TC2N: variants seen among roughly 807,000 people sequenced by gnomAD.
The protein encoded by TC2N is tandem C2 domains nuclear protein.
TC2N carries 51 observed loss-of-function variants against 61.9 expected under a neutral mutation model. That is an observed-to-expected ratio of 0.82 (90% confidence interval 0.66 to 1.04). The LOEUF is 1.04. Among genes scored for constraint, TC2N ranks in the 50% least tolerant of loss-of-function variants. The pLI is 0.00. For synonymous variants in TC2N, 204 were observed against 192.6 expected (o/e 1.06, Z -0.49); for missense variants, 556 against 566.7 (o/e 0.98, Z 0.19).
At chr14:91,844,271 C>A (rs889898904) in intron 1 of TC2N, among the ~76,000 whole-genome samples, 31 of 152,208 alleles carry the variant, frequency 2.0e-4, no homozygotes, top group Admixed American at 3.9e-4. Context: ...GCAGCCTGAG[C>A]AACTCATCAC....
chr14:91,780,912 T>TTAA lies in TC2N; in HGVS notation c.*2187_*2188insTTA, dbSNP rs1885081805. On this transcript the variant is annotated 3_prime_UTR_variant, in exon 12 of 12. Transcript: ENST00000435962. ...GCTTAAGTAAACACTAATTAAAACA[T>TTAA]TTAGGATCTTAGTTGTATCAATACT... 6.6e-6 allele frequency: 1 copy of TTAA among 152,100 alleles called. No individual in the cohort carries two copies. The highest frequency in any genetic ancestry group is 2.1e-4 in the South Asian group (1 of 4,830). The allele number at this position is 152,100 out of a possible 1,614,324, so 9.4% of individuals were successfully genotyped here. A position where few individuals can be genotyped will look rare whatever the true frequency, so the allele number is the denominator to read the frequency against.
At chr14:91,805,931 A>G (rs1043798954) in intron 3 of TC2N, among the ~76,000 whole-genome samples, 3 of 152,004 alleles carry the variant, frequency 2.0e-5, no homozygotes, top group Non-Finnish European at 2.9e-5. Context: ...CCCCATCCAA[A>G]TCTCATCTTT....
At chr14:91,825,026 CTTTTTTTTTTTT>C (rs5810554) in intron 1 of TC2N, among the ~76,000 whole-genome samples, 195 of 66,890 alleles carry the variant, frequency 2.9e-3, no homozygotes, top group Non-Finnish European at 4.1e-3. Flanking sequence ...TTTTTCTTTT[CTTTTTTTTTTTT>C]TTTTTTTTTT....
Position 91,785,330 on chromosome 14 carries a change from C to G in TC2N, c.1194G>C (p.Ser398=). Residue 398 remains serine, a synonymous_variant, in exon 11 of 12, where the codon TCG becomes TCC. Coordinates refer to ENST00000435962, the MANE Select transcript of TC2N (RefSeq NM_001128596.3). The part of the protein sequence containing the change: ...SFFVKVGMFS[S]GELIYKKKTR... ...TCTTTTTCTTATAAATCAACTCTCC[C>G]GAGCTAAACATTCCCACCTTCACGA... 1.2e-6 allele frequency: 2 copies of G among 1,613,468 alleles called. No homozygotes were observed. Among genetic ancestry groups the G allele is most frequent in the African/African-American group, 1.3e-5 (1 of 74,912 alleles).
chr14:91,804,107 T>C (rs1315232100), intron 3 of TC2N, among the ~76,000 whole-genome samples: 1 of 152,088 alleles, frequency 6.6e-6, no homozygotes, highest in Non-Finnish European at 1.5e-5. Flanking sequence ...TCATTAGTCA[T>C]GAGGAAAAAA....
chr14:91,830,113 G>A (rs1009523518), intron 1 of TC2N, among the ~76,000 whole-genome samples: 3 of 152,190 alleles, frequency 2.0e-5, no homozygotes, highest in African/African-American at 4.8e-5. Context: ...AAATGGTGCA[G>A]CTGTTTTGGA....
chr14:91,845,057 C>T (rs1355211583), intron 1 of TC2N, among the ~76,000 whole-genome samples: 2 of 151,568 alleles, frequency 1.3e-5, no homozygotes, highest in Non-Finnish European at 2.9e-5. Context: ...GCCAACATGG[C>T]GAAACCCCGT....
At chr14:91,852,371 C>T (rs571937435) in intron 1 of TC2N, among the ~76,000 whole-genome samples, 28 of 152,156 alleles carry the variant, frequency 1.8e-4, no homozygotes, top group Admixed American at 1.0e-3. Flanking sequence ...GCGGAGGTTG[C>T]GGTGAGCGGA....
intron 1 of TC2N, among the ~76,000 whole-genome samples, chr14:91,825,026 C>CTTTTTTTTTTTTT (rs5810554): frequency 1.5e-5 from 1 of 66,860 alleles, no homozygotes; most frequent in Non-Finnish European, 2.6e-5. Context: ...TTTTTCTTTT[C>CTTTTTTTTTTTTT]TTTTTTTTTT....
chr14:91,817,985 C>T (rs1450361860), intron 1 of TC2N, among the ~76,000 whole-genome samples: 1 of 152,022 alleles, frequency 6.6e-6, no homozygotes. Context: ...ATATATGGAA[C>T]AGCAATTTTC....
chr14:91,819,644 GAT>G, intron 1 of TC2N, among the ~76,000 whole-genome samples: 1 of 152,174 alleles, frequency 6.6e-6, no homozygotes, highest in Non-Finnish European at 1.5e-5. Context: ...ATAAATACAT[GAT>G]TTATTATTAT....
chr14:91,866,950 C>T (rs1033180092), intron 1 of TC2N, among the ~76,000 whole-genome samples: 2 of 152,154 alleles, frequency 1.3e-5, no homozygotes, highest in Admixed American at 1.3e-4. Context: ...CTGTTTTTCT[C>T]TTAATTTTTA....
intron 1 of TC2N, among the ~76,000 whole-genome samples, chr14:91,820,310 T>C (rs1887186774): frequency 6.6e-6 from 1 of 152,082 alleles, no homozygotes; most frequent in Admixed American, 6.5e-5. Flanking sequence ...GATTGCAAGA[T>C]TAGTTTAACA....
intron 1 of TC2N, among the ~76,000 whole-genome samples, chr14:91,818,620 A>G (rs901846622): frequency 2.2e-4 from 33 of 152,146 alleles, no homozygotes; most frequent in African/African-American, 7.5e-4. Flanking sequence ...AAGGCAGTTG[A>G]GGACACTAAA....
At chr14:91,788,744 A>G (rs1885486514) in intron 9 of TC2N, among the ~76,000 whole-genome samples, 1 of 152,232 alleles carries the variant, frequency 6.6e-6, no homozygotes, top group Non-Finnish European at 1.5e-5. Context: ...TCATGCCATA[A>G]GAAATGAAGA....
chr14:91,857,965 CT>C (rs1408332601), intron 1 of TC2N, among the ~76,000 whole-genome samples: 1 of 151,752 alleles, frequency 6.6e-6, no homozygotes, highest in Non-Finnish European at 1.5e-5. Flanking sequence ...TGTTGTTGTT[CT>C]TTGTTTGTTT....
chr14:91,813,735 C>T lies in TC2N; in HGVS notation c.35G>A (p.Gly12Glu). 6.2e-7 allele frequency: 1 copy of T among 1,609,646 alleles called. No individual in the cohort carries two copies. Among genetic ancestry groups the T allele is most frequent in the Non-Finnish European group, 8.5e-7 (1 of 1,177,156 alleles). The change falls in exon 2 of 12, where the codon GGA becomes GAA. Residue 12 changes from glycine (G) to glutamate (E), a missense_variant. Transcript: ENST00000435962. ...TTTTTCTGTTTCACCATAGAAACATCCTCCACAGCAACTCTTTATAAATTC... is the reference window on the plus strand; with the variant it reads ...TTTTTCTGTTTCACCATAGAAACATTCTCCACAGCAACTCTTTATAAATTC... ...ATEFIKSCCG[G>E]CFYGETEKHN...
chr14:91,865,800 G>T (rs1224622994), intron 1 of TC2N, among the ~76,000 whole-genome samples: 1 of 151,996 alleles, frequency 6.6e-6, no homozygotes. Context: ...TAATTTTGTG[G>T]ACCCTGCTAC....
chr14:91,780,903 A>G lies in TC2N; in HGVS notation c.*2197T>C, dbSNP rs117879963. 3 of 152,278 alleles carry G rather than the reference A, an allele frequency of 2.0e-5. No individual in the cohort carries two copies. The highest frequency in any genetic ancestry group is 4.4e-5 in the Non-Finnish European group (3 of 67,986). The allele number at this position is 152,278 out of a possible 1,614,324, so 9.4% of individuals were successfully genotyped here. ...CTGAAAAAGGCTTAAGTAAACACTAATTAAAACATTTAGGATCTTAGTTGT... is the reference window on the plus strand; with the variant it reads ...CTGAAAAAGGCTTAAGTAAACACTAGTTAAAACATTTAGGATCTTAGTTGT... On this transcript the variant is annotated 3_prime_UTR_variant, in exon 12 of 12. Transcript: ENST00000435962.
Sources: allele counts gnomAD v4.1 joint callset (sites outside exome capture counted in the v4.1 genomes callset), GRCh38; gene constraint gnomAD v4.1.1; transcripts MANE v1.5; gene names NCBI Gene and HGNC (gene_info 2026-07-23, HGNC 2026-07-21).